Variants in STARD13 observed in about 807,000 individuals in gnomAD.
STARD13 encodes stAR-related lipid transfer protein 13.
A neutral mutation model predicts 106.4 loss-of-function variants in STARD13; 62 were observed. That is an observed-to-expected ratio of 0.58 (90% CI 0.48 to 0.72). STARD13 has a LOEUF of 0.72. Among genes scored for constraint, STARD13 ranks in the 30% least tolerant of loss-of-function variants. The pLI, the probability that STARD13 is intolerant of heterozygous loss-of-function variation, is 0.00. For missense variants in STARD13, 1,387 were observed against 1,424.0 expected (o/e 0.97, Z 0.42); for synonymous variants, 565 against 553.0 (o/e 1.02, Z -0.31).
intron 3 of STARD13, among the ~76,000 whole-genome samples, chr13:33,163,011 A>C (rs879895215): frequency 1.3e-5 from 2 of 152,214 alleles, no homozygotes; most frequent in Non-Finnish European, 2.9e-5. Flanking sequence ...TTGGACTTAC[A>C]GTTCCACATG....
chr13:33,609,658 C>A, the STARD13 span, among the ~76,000 whole-genome samples: 2 of 151,838 alleles, frequency 1.3e-5, no homozygotes, highest in African/African-American at 2.4e-5. Context: ...GCTCCACCTC[C>A]CGGGTTCACG....
At chr13:33,242,652 C>T (rs560003897) in intron 1 of STARD13, among the ~76,000 whole-genome samples, 6 of 152,144 alleles carry the variant, frequency 3.9e-5, no homozygotes, top group African/African-American at 1.4e-4. Flanking sequence ...AACCAGAGAC[C>T]TTTGTTCACA....
chr13:33,286,101 C>T (rs1038091423), upstream of STARD13, among the ~76,000 whole-genome samples: 5 of 152,038 alleles, frequency 3.3e-5, no homozygotes, highest in African/African-American at 1.2e-4. Flanking sequence ...CCTTCGCTTT[C>T]TACAGGGCAG....
the STARD13 span, among the ~76,000 whole-genome samples, chr13:33,500,849 T>C: frequency 1.3e-5 from 2 of 152,080 alleles, no homozygotes; most frequent in African/African-American, 2.4e-5. Flanking sequence ...CCTCATGATA[T>C]GGGGACATTG....
At chr13:33,107,367 T>G (rs947330225) in intron 12 of STARD13, among the ~76,000 whole-genome samples, 2 of 152,160 alleles carry the variant, frequency 1.3e-5, no homozygotes, top group Non-Finnish European at 2.9e-5. Context: ...GGAAAAATAC[T>G]GACACTCTAA....
At chr13:33,521,056 C>A in the STARD13 span, among the ~76,000 whole-genome samples, 5 of 152,244 alleles carry the variant, frequency 3.3e-5, no homozygotes, top group African/African-American at 1.2e-4. Context: ...GTCTCATCTC[C>A]AACCAACGCA....
chr13:33,538,140 G>A, the STARD13 span, among the ~76,000 whole-genome samples: 3 of 152,034 alleles, frequency 2.0e-5, no homozygotes, highest in South Asian at 2.1e-4. Flanking sequence ...AAATGACCCC[G>A]CCTCTGAACC....
chr13:33,626,924 AAT>A, the STARD13 span, among the ~76,000 whole-genome samples: 2 of 152,262 alleles, frequency 1.3e-5, no homozygotes, highest in East Asian at 3.8e-4. Context: ...AAAAAAATAA[AAT>A]AAAATAAAAA....
At chr13:33,528,485 G>A in the STARD13 span, among the ~76,000 whole-genome samples, 1 of 151,046 alleles carries the variant, frequency 6.6e-6, no homozygotes. Flanking sequence ...TGTTACCCAG[G>A]CTGATCTCAA....
chr13:33,468,153 G>T, the STARD13 span, among the ~76,000 whole-genome samples: 3 of 152,170 alleles, frequency 2.0e-5, no homozygotes, highest in African/African-American at 7.2e-5. Context: ...CTCTCCCAAG[G>T]AGATATTCTT....
exon 1 of STARD13, chr13:33,350,410 T>C: frequency 6.5e-7 from 1 of 1,532,740 alleles, no homozygotes; most frequent in African/African-American, 1.4e-5. Flanking sequence ...CGTTTGCTGG[T>C]CATTTTAGAT....
chr13:33,136,675 C>A (rs1281156813), intron 4 of STARD13, among the ~76,000 whole-genome samples: 1 of 152,208 alleles, frequency 6.6e-6, no homozygotes, highest in African/African-American at 2.4e-5. Flanking sequence ...CCAGACCCAG[C>A]CACACTAGGG....
At chr13:33,143,561 T>C (rs1372696484) in intron 3 of STARD13, among the ~76,000 whole-genome samples, 1 of 152,140 alleles carries the variant, frequency 6.6e-6, no homozygotes, top group Non-Finnish European at 1.5e-5. Context: ...TGTTTGTTTG[T>C]TTGTTTTTTG....
At position 33,284,482 on chromosome 13, in the gene STARD13, AT is replaced by A. The variant is rs564532742; in HGVS notation, c.169+987del. The stretch of plus-strand genomic sequence containing the variant: ...TAACTTATTTAGCACCAATATAATA[AT>A]TTCTTTTTTTGTTGTGTAGGAGGAG... On this transcript the variant is annotated intron_variant, in intron 1 of 13. Coordinates refer to ENST00000336934, the MANE Select transcript of STARD13 (RefSeq NM_178006.4). Among the ~76,000 whole-genome samples the A allele has an allele frequency of 1.4e-3, 206 of 152,320 alleles. 1 individual carries two copies. The highest frequency in any genetic ancestry group is 6.8e-3 in the Middle Eastern group (2 of 294).
chr13:33,256,246 G>T (rs547148048), intron 1 of STARD13, among the ~76,000 whole-genome samples: 1 of 152,304 alleles, frequency 6.6e-6, no homozygotes, highest in Admixed American at 6.5e-5. Context: ...AAATGATCCT[G>T]GGTCAATGAT....
chr13:33,439,376 T>A, the STARD13 span, among the ~76,000 whole-genome samples: 1 of 152,364 alleles, frequency 6.6e-6, no homozygotes, highest in African/African-American at 2.4e-5. Flanking sequence ...TTTTATTTAA[T>A]TCCTATTTAA....
Position 33,167,531 on chromosome 13 carries a change from G to C in STARD13, c.241+20C>G, listed in dbSNP as rs369801108. On this transcript the variant is annotated intron_variant, in intron 2 of 13. Transcript: ENST00000336934. ...TTGGATTTATTCTCTGTGTAAGAGC[G>C]AAGCGAAGGGCTGACGTACCCTCAT... 7.4e-6 allele frequency: 12 copies of C among 1,613,202 alleles called. No homozygotes were observed. Among genetic ancestry groups the C allele is most frequent in the Non-Finnish European group, 1.0e-5 (12 of 1,179,164 alleles).
At chr13:33,188,723 A>G (rs1057109785) in intron 1 of STARD13, among the ~76,000 whole-genome samples, 2 of 152,252 alleles carry the variant, frequency 1.3e-5, no homozygotes, top group African/African-American at 4.8e-5. Flanking sequence ...AATGAAATGC[A>G]TTGAAAAAGC....
the STARD13 span, among the ~76,000 whole-genome samples, chr13:33,393,732 T>C: frequency 1.3e-5 from 2 of 152,226 alleles, no homozygotes; most frequent in African/African-American, 4.8e-5. Context: ...ATTCTCTTAC[T>C]GGGGTGCATA....
Sources: allele counts gnomAD v4.1 joint callset (sites outside exome capture counted in the v4.1 genomes callset), GRCh38; gene constraint gnomAD v4.1.1; transcripts MANE v1.5; gene names NCBI Gene and HGNC (gene_info 2026-07-23, HGNC 2026-07-21).